SCUBE2: variants seen among roughly 807,000 people sequenced by gnomAD.
SCUBE2 encodes signal peptide, CUB domain and EGF like domain containing 2.
Under a neutral mutation model 125.9 loss-of-function variants are expected in SCUBE2, and 114 were observed. The observed-to-expected ratio is 0.91, with a 90% CI of 0.78 to 1.06. The LOEUF is 1.06. Among genes scored for constraint, SCUBE2 ranks in the 50% least tolerant of loss-of-function variants. SCUBE2 has a pLI of 0.00. For missense variants in SCUBE2, 1,255 were observed against 1,301.8 expected (o/e 0.96, Z 0.55); for synonymous variants, 459 against 492.9 (o/e 0.93, Z 0.91).
chr11:9,027,407 G>A lies in SCUBE2; in HGVS notation c.2658C>T (p.Pro886=). ...GATAGTCCCCACAGTCGTCCTCTAT[G>A]GGCAGGAAGATCTCAGGGACCACGA... ...ILIVVPEIFL[P]IEDDCGDYLV... The change falls in exon 20 of 23, where the codon CCC becomes CCT. Residue 886 remains proline, a synonymous_variant. Transcript: ENST00000649792. 6.2e-7 allele frequency: 1 copy of A among 1,614,044 alleles called. No individual in the cohort carries two copies. Among genetic ancestry groups the A allele is most frequent in the South Asian group, 1.1e-5 (1 of 91,068 alleles).
intron 18 of SCUBE2, 170 bp from the exon 19 acceptor site, chr11:9,030,215 G>T (rs942416512): frequency 5.9e-6 from 4 of 673,392 alleles, no homozygotes; most frequent in Admixed American, 2.9e-5. Context: ...AGGCAGTGTG[G>T]ATGGGGCTCA....
intron 5 of SCUBE2, among the ~76,000 whole-genome samples, chr11:9,067,534 G>T (rs74805408): frequency 0.14 from 21,507 of 152,134 alleles, 1,639 homozygotes; most frequent in East Asian, 0.29. Context: ...TAATTCAAAA[G>T]AACTAATTAC....
At chr11:9,052,638 G>T in intron 13 of SCUBE2, 108 bp downstream of exon 13, 1 of 796,510 alleles carries the variant, frequency 1.3e-6, no homozygotes. Context: ...CAGCATCAAG[G>T]AAATTAACAG....
chr11:9,060,491 C>T lies in SCUBE2; in HGVS notation c.884G>A (p.Arg295His), dbSNP rs367701920. 45 of 1,613,788 alleles carry T rather than the reference C, an allele frequency of 2.8e-5. No individual in the cohort carries two copies. The highest frequency in any genetic ancestry group is 3.4e-5 in the Non-Finnish European group (40 of 1,179,912). ...TCAVNNGGCDRTCKDTSTGVH... is the reference protein window; with the variant it reads ...TCAVNNGGCDHTCKDTSTGVH... ...ACCTGTCGAAGTATCCTTACAGGTG[C>T]GGTCACAGCCTCCATTGTTGACAGC... The change falls in exon 8 of 23, where the codon CGC becomes CAC. Residue 295 changes from arginine (R) to histidine (H), a missense_variant. Arg to His is a conservative substitution (Grantham distance 29, BLOSUM62 0). Transcript: ENST00000649792.
intron 11 of SCUBE2, 91 bp downstream of exon 11, chr11:9,053,546 G>C (rs1247651106): frequency 3.4e-6 from 5 of 1,453,058 alleles, no homozygotes; most frequent in Non-Finnish European, 4.7e-6. Flanking sequence ...GTGGAGGGAC[G>C]GTCAGGTGGG....
In SCUBE2 at chr11:9,091,339, A is replaced by C; in HGVS notation, c.133+57T>G. The C allele has an allele frequency of 8.2e-7, 1 of 1,224,630 alleles. No individual in the cohort carries two copies. The highest frequency in any genetic ancestry group is 3.6e-5 in the Admixed American group (1 of 28,100). 75.9% of individuals were successfully genotyped at this position (1,224,630 alleles called of 1,614,324 possible). A position where few individuals can be genotyped will look rare whatever the true frequency, so the allele number is the denominator to read the frequency against. ...GCTCTGGACTCCGCCGGGGACCTAAACACTCTTCCTGGCCCTGCCTGCTGT... is the reference window on the plus strand; with the variant it reads ...GCTCTGGACTCCGCCGGGGACCTAACCACTCTTCCTGGCCCTGCCTGCTGT... On this transcript the variant is annotated intron_variant, in intron 1 of 22. Coordinates refer to ENST00000649792, the MANE Select transcript of SCUBE2 (RefSeq NM_001367977.2). This position sits in a 1 kb window ranked among gnomAD's most constrained non-coding sequence, Gnocchi z 8.5.
intron 21 of SCUBE2, chr11:9,025,495 T>C (rs1855641702): frequency 5.6e-6 from 3 of 531,208 alleles, no homozygotes; most frequent in African/African-American, 1.9e-5. Context: ...TCACTTTTAA[T>C]ATATTTTATA....
At chr11:9,064,420 C>T (rs1375687262) in intron 7 of SCUBE2, 1 of 148,772 alleles carries the variant, frequency 6.7e-6, no homozygotes, top group Admixed American at 6.7e-5. Flanking sequence ...GAGATATGAT[C>T]ACACCACAGC....
intron 10 of SCUBE2, among the ~76,000 whole-genome samples, chr11:9,054,700 T>A (rs1226221487): frequency 6.9e-3 from 203 of 29,276 alleles, no homozygotes; most frequent in Non-Finnish European, 1.0e-2. Context: ...AAAGCACTAG[T>A]GTATATATAT....
At chr11:9,085,932 A>G (rs1322646228) in intron 2 of SCUBE2, among the ~76,000 whole-genome samples, 1 of 151,830 alleles carries the variant, frequency 6.6e-6, no homozygotes, top group Non-Finnish European at 1.5e-5. Context: ...TCCTGGGCTC[A>G]AGTGATCCTC....
intron 6 of SCUBE2, 36 bp from the exon 7 acceptor site, chr11:9,066,016 G>T: frequency 6.9e-7 from 1 of 1,449,744 alleles, no homozygotes; most frequent in Non-Finnish European, 9.7e-7. Context: ...TTCTCAGACT[G>T]AATGAGTTAG....
chr11:9,069,333 C>A (rs375137281), intron 5 of SCUBE2, 37 bp downstream of exon 5: 2 of 1,611,620 alleles, frequency 1.2e-6, no homozygotes, highest in East Asian at 4.5e-5. Context: ...TGGAATACGA[C>A]GGTTCCCATG....
At chr11:9,032,546 CA>C in intron 17 of SCUBE2, among the ~76,000 whole-genome samples, 1 of 152,272 alleles carries the variant, frequency 6.6e-6, no homozygotes, top group South Asian at 2.1e-4. Context: ...CCAGCCTGGC[CA>C]ACATAGCGAA....
At chr11:9,083,836 G>A (rs534309644) in intron 2 of SCUBE2, among the ~76,000 whole-genome samples, 39 of 152,202 alleles carry the variant, frequency 2.6e-4, no homozygotes, top group African/African-American at 7.5e-4. Context: ...CACTGCATCC[G>A]GCCTAGAATG....
At chr11:9,073,354 G>A (rs1860964733) in intron 4 of SCUBE2, among the ~76,000 whole-genome samples, 1 of 152,180 alleles carries the variant, frequency 6.6e-6, no homozygotes, top group African/African-American at 2.4e-5. Flanking sequence ...CCCAAACGCT[G>A]AGAATGAGCA....
At chr11:9,077,119 C>T (rs543084116) in intron 3 of SCUBE2, among the ~76,000 whole-genome samples, 283 of 152,296 alleles carry the variant, frequency 1.9e-3, no homozygotes, top group African/African-American at 6.5e-3. Context: ...TGTGTGTCCA[C>T]GTACGCAAAT....
chr11:9,074,908 A>G (rs897554710), intron 3 of SCUBE2, among the ~76,000 whole-genome samples: 1 of 152,204 alleles, frequency 6.6e-6, no homozygotes, highest in African/African-American at 2.4e-5. Flanking sequence ...CAAAATATAG[A>G]TAAGGAAGAT....
chr11:9,030,921 C>A lies in SCUBE2; in HGVS notation c.2178G>T (p.Leu726=). Reference sequence around the variant, plus strand: ...CTGCAGAATATTCACCAGGTTGACACAGACCTGGAAGGACCAATAGCCTTA... The same window carrying A: ...CTGCAGAATATTCACCAGGTTGACAAAGACCTGGAAGGACCAATAGCCTTA... The part of the protein sequence containing the change: ...EAWNMSECGG[L]CQPGEYSADG... Residue 726 remains leucine (L), a synonymous_variant, in exon 18 of 23, where the codon CTG becomes CTT. Coordinates refer to ENST00000649792, the MANE Select transcript of SCUBE2 (RefSeq NM_001367977.2). The A allele has an allele frequency of 6.2e-7, 1 of 1,613,480 alleles. No individual in the cohort carries two copies.
At position 9,056,374 on chromosome 11, in the gene SCUBE2, C is replaced by T. The variant is rs951636679; in HGVS notation, c.1091-465G>A. ...GTTTGGAGGTAAATCTAGTTCCCAT[C>T]CCTTTCTTATTTTCTCAGAATTAGT... On this transcript the variant is annotated intron_variant, in intron 9 of 22. Transcript: ENST00000649792. 2.4e-4 allele frequency among the ~76,000 whole-genome samples: 37 copies of T among 152,148 alleles called. 1 individual carries two copies. The highest frequency in any genetic ancestry group is 4.3e-4 in the Non-Finnish European group (29 of 68,026).
Sources: allele counts gnomAD v4.1 joint callset (sites outside exome capture counted in the v4.1 genomes callset), GRCh38; gene constraint gnomAD v4.1.1; non-coding constraint Gnocchi (gnomAD v3.1); transcripts MANE v1.5; gene names NCBI Gene and HGNC (gene_info 2026-07-23, HGNC 2026-07-21).